Variants in HCN4 observed in about 807,000 individuals in gnomAD.
HCN4 encodes potassium/sodium hyperpolarization-activated cyclic nucleotide-gated channel 4.
HCN4 carries 29 observed loss-of-function variants against 76.9 expected under a neutral mutation model. The observed-to-expected ratio is 0.38, with a 90% CI of 0.28 to 0.51. HCN4 has a LOEUF of 0.51. Ranked by LOEUF, HCN4 falls within the 20% of genes least tolerant of loss-of-function variation. The pLI, the probability that HCN4 is intolerant of heterozygous loss-of-function variation, is 0.90. For synonymous variants in HCN4, 772 were observed against 762.5 expected, an observed-to-expected ratio of 1.01 and a Z score of -0.21; for missense variants, 1,416 against 1,715.2, an observed-to-expected ratio of 0.83 and a Z score of 3.08.
Position 73,328,175 on chromosome 15 carries a change from G to C in HCN4, c.1590+1398C>G, listed in dbSNP as rs1307429040. On this transcript the variant is annotated intron_variant, in intron 4 of 7. Coordinates refer to ENST00000261917, the MANE Select transcript of HCN4 (RefSeq NM_005477.3). The surrounding 1 kb of genome is among the most constrained non-coding windows in gnomAD (Gnocchi z 4.0). ...GGGTCACATGACAGGTGAGGGGCTG[G>C]CCAGGTCACAGACGGCTTCTCTAAG... 1.3e-5 allele frequency among the ~76,000 whole-genome samples: 2 copies of C among 152,094 alleles called. No individual in the cohort carries two copies. The highest frequency in any genetic ancestry group is 4.8e-5 in the African/African-American group (2 of 41,414).
In HCN4 at chr15:73,343,536, T is replaced by C; in HGVS notation, c.1058A>G (p.Asp353Gly). ...TGTCTCCACAATGAGGAAGATGTAG[T>C]CCACGGGGATGGAGGAAATGAAATC... Reference protein sequence around the residue: ...MVDFISSIPVDYIFLIVETRI... With the variant: ...MVDFISSIPVGYIFLIVETRI... Residue 353 changes from aspartate to glycine, a missense_variant, in exon 2 of 8, where the codon GAC (aspartate) becomes GGC (glycine). This residue lies in a region of HCN4 where 112 missense variants were observed against 259.9 expected (regional missense o/e 0.43). Transcript: ENST00000261917. This position sits in a 1 kb window ranked among gnomAD's most constrained non-coding sequence, Gnocchi z 5.7. 1.2e-6 allele frequency: 2 copies of C among 1,614,172 alleles called. No individual in the cohort carries two copies.
chr15:73,356,610 C>T (rs1354335714), intron 1 of HCN4, among the ~76,000 whole-genome samples: 5 of 151,896 alleles, frequency 3.3e-5, no homozygotes, highest in Non-Finnish European at 7.4e-5. Context: ...TAAATACTGA[C>T]TCTGCAAGGG....
rs1453710705 is a variant in HCN4 at position 73,368,512 on chromosome 15, C to A, written c.-242G>T. The A allele has an allele frequency of 3.0e-6, 1 of 329,082 alleles. No homozygotes were observed. Among genetic ancestry groups the A allele is most frequent in the Non-Finnish European group, 5.5e-6 (1 of 182,096 alleles). 20.4% of individuals were successfully genotyped at this position (329,082 alleles called of 1,614,324 possible). A position where few individuals can be genotyped will look rare whatever the true frequency, so the allele number is the denominator to read the frequency against. ...CGGGCCCGGCTGGGCGCGGGGACCCCGCGCTCCCTTCTTGCCTCCCTCCCT... is the reference window on the plus strand; with the variant it reads ...CGGGCCCGGCTGGGCGCGGGGACCCAGCGCTCCCTTCTTGCCTCCCTCCCT... On this transcript the variant is annotated 5_prime_UTR_variant, in exon 1 of 8. Coordinates refer to ENST00000261917, the MANE Select transcript of HCN4 (RefSeq NM_005477.3). The surrounding 1 kb of genome is among the most constrained non-coding windows in gnomAD (Gnocchi z 6.9).
intron 1 of HCN4, among the ~76,000 whole-genome samples, chr15:73,354,784 T>C (rs1006047414): frequency 3.3e-5 from 5 of 151,904 alleles, no homozygotes; most frequent in African/African-American, 1.2e-4. Flanking sequence ...ATCCCCATCA[T>C]CATCATCATC....
rs1303993591 is a variant in HCN4 at position 73,367,765 on chromosome 15, T to G, written c.506A>C (p.Gln169Pro). 6.6e-7 allele frequency: 1 copy of G among 1,519,198 alleles called. No individual in the cohort carries two copies. The highest frequency in any genetic ancestry group is 8.8e-7 in the Non-Finnish European group (1 of 1,140,522). The allele number at this position is 1,519,198 out of a possible 1,614,324, so 94.1% of individuals were successfully genotyped here. Residue 169 changes from glutamine to proline, a missense_variant, in exon 1 of 8, where the codon CAG becomes CCG. Transcript: ENST00000261917. This position sits in a 1 kb window ranked among gnomAD's most constrained non-coding sequence, Gnocchi z 7.5. Reference sequence around the variant, plus strand: ...GGCGGAGGCCGGCTGCGGTGGCTGCTGGGGCGGCGGCGGCGAGGCTGCGGG... The same window carrying G: ...GGCGGAGGCCGGCTGCGGTGGCTGCGGGGGCGGCGGCGGCGAGGCTGCGGG... ...AQPAASPPPP[Q>P]QPPQPASASC...
At position 73,367,901 on chromosome 15, in the gene HCN4, C is replaced by G; in HGVS notation, c.370G>C (p.Asp124His). The G allele has an allele frequency of 7.2e-7, 1 of 1,386,228 alleles. No homozygotes were observed. Among genetic ancestry groups the G allele is most frequent in the Admixed American group, 2.5e-5 (1 of 39,692 alleles). 85.9% of individuals were successfully genotyped at this position (1,386,228 alleles called of 1,614,324 possible). ...ATGAGCCGCCGCTCCTCCGCGGAGT[C>G]ATGCAGGTGTCCGTGACTGCTGCCG... ...GSGSSHGHLH[D>H]SAEERRLIAE... Residue 124 changes from aspartate to histidine, a missense_variant, in exon 1 of 8, where the codon GAC becomes CAC. Physicochemically the swap from Asp to His is moderately conservative, Grantham distance 81. Transcript: ENST00000261917. The surrounding 1 kb of genome is among the most constrained non-coding windows in gnomAD (Gnocchi z 7.5).
chr15:73,333,376 C>G (rs531388567), intron 2 of HCN4, among the ~76,000 whole-genome samples: 4 of 152,212 alleles, frequency 2.6e-5, no homozygotes, highest in Non-Finnish European at 4.4e-5. Flanking sequence ...GGCAAAGACA[C>G]CCCTCTTGGA....
chr15:73,322,942 A>T lies in HCN4; in HGVS notation c.3151T>A (p.Ser1051Thr). Residue 1051 changes from serine (S) to threonine (T), a missense_variant, in exon 8 of 8, where the codon TCC becomes ACC. This residue lies in a region of HCN4 where 633 missense variants were observed against 579.8 expected (regional missense o/e 1.09). Transcript: ENST00000261917. ...APPRASGSHG[S>T]LLLPPASSPP... ...CTGGATGCAGGTGGCAGGAGCAAGG[A>T]TCCGTGGGAGCCAGAGGCCCGGGGC... 7.1e-7 allele frequency: 1 copy of T among 1,417,758 alleles called. No individual in the cohort carries two copies. The highest frequency in any genetic ancestry group is 1.5e-5 in the South Asian group (1 of 67,238). The allele number at this position is 1,417,758 out of a possible 1,614,324, so 87.8% of individuals were successfully genotyped here. A position where few individuals can be genotyped will look rare whatever the true frequency, so the allele number is the denominator to read the frequency against.
At chr15:73,352,976 T>A (rs1198257096) in intron 1 of HCN4, among the ~76,000 whole-genome samples, 3 of 151,972 alleles carry the variant, frequency 2.0e-5, no homozygotes, top group Non-Finnish European at 4.4e-5. Flanking sequence ...TCAGTAACAT[T>A]ATCTTATTGT....
intron 1 of HCN4, among the ~76,000 whole-genome samples, chr15:73,363,522 GA>G (rs1490894313): frequency 6.6e-6 from 1 of 152,230 alleles, no homozygotes. Context: ...ATGGCCTAGA[GA>G]GGGGTTCACA....
At chr15:73,331,941 G>C (rs142306535) in intron 3 of HCN4, among the ~76,000 whole-genome samples, 190 bp downstream of exon 3, 8 of 152,320 alleles carry the variant, frequency 5.3e-5, no homozygotes, top group African/African-American at 1.7e-4. Context: ...ACCCAGAGCT[G>C]TGAATGGATC....
chr15:73,322,269 T>G lies in HCN4; in HGVS notation c.*212A>C. On this transcript the variant is annotated 3_prime_UTR_variant, in exon 8 of 8. Coordinates refer to ENST00000261917, the MANE Select transcript of HCN4 (RefSeq NM_005477.3). The stretch of plus-strand genomic sequence containing the variant: ...CCTCCCTCCCCCTCCCTCCCTCTAG[T>G]GCTGAGTATTAAAATAGTCTATAAA... The G allele has an allele frequency of 4.9e-6, 2 of 410,534 alleles. No homozygotes were observed. The highest frequency in any genetic ancestry group is 2.1e-5 in the South Asian group (1 of 47,426). 25.4% of individuals were successfully genotyped at this position (410,534 alleles called of 1,614,324 possible).
intron 1 of HCN4, among the ~76,000 whole-genome samples, chr15:73,345,248 T>G (rs1186208634): frequency 6.6e-6 from 1 of 152,198 alleles, no homozygotes; most frequent in Non-Finnish European, 1.5e-5. Flanking sequence ...GGGCCTGTTT[T>G]GCTGAAGGTG....
intron 1 of HCN4, among the ~76,000 whole-genome samples, chr15:73,364,728 C>A (rs2043121015): frequency 6.6e-6 from 1 of 151,952 alleles, no homozygotes; most frequent in African/African-American, 2.4e-5. Context: ...GGATCGGGGG[C>A]AGGTAGAGTA....
intron 2 of HCN4, chr15:73,341,052 TGGTG>T (rs1322249732): frequency 1.4e-5 from 2 of 142,868 alleles, no homozygotes; most frequent in African/African-American, 5.7e-5. Context: ...TAAGACAACT[TGGTG>T]GGGAGGGAGG....
Position 73,324,174 on chromosome 15 carries a change from C to T in HCN4, c.2058G>A (p.Val686=). 1 of 1,614,116 alleles carries T rather than the reference C, an allele frequency of 6.2e-7. No homozygotes were observed. The part of the protein sequence containing the change: ...DTYCRLYSLS[V]DNFNEVLEEY... Reference sequence around the variant, plus strand: ...CCTCCAGCACCTCATTGAAGTTGTCCACGCTCAGCGAGTAGAGGCGGCAGT... The same window carrying T: ...CCTCCAGCACCTCATTGAAGTTGTCTACGCTCAGCGAGTAGAGGCGGCAGT... The change falls in exon 7 of 8, where the codon GTG becomes GTA. Residue 686 remains valine (V), a synonymous_variant. Coordinates refer to ENST00000261917, the MANE Select transcript of HCN4 (RefSeq NM_005477.3).
intron 2 of HCN4, 37 bp from the exon 3 acceptor site, chr15:73,332,329 G>A (rs748663502): frequency 3.1e-6 from 5 of 1,607,694 alleles, no homozygotes; most frequent in Non-Finnish European, 3.4e-6. Context: ...TGGGATAGGT[G>A]AGTGGCCAGG....
chr15:73,355,658 A>C (rs1332911618), intron 1 of HCN4, among the ~76,000 whole-genome samples: 1 of 152,196 alleles, frequency 6.6e-6, no homozygotes, highest in African/African-American at 2.4e-5. Flanking sequence ...GGCAAAAGAA[A>C]CACTTTGAGA....
At chr15:73,334,652 GGCCATCCTCCACACCT>G (rs2151218503) in intron 2 of HCN4, among the ~76,000 whole-genome samples, 1 of 151,932 alleles carries the variant, frequency 6.6e-6, no homozygotes, top group African/African-American at 2.4e-5. Context: ...TCTCAGAGCC[GGCCATCCTCCACACCT>G]GCCTCCCCAC....
Sources: gnomAD v4.1 joint callset for allele counts (sites outside exome capture counted in the v4.1 genomes callset) on GRCh38, gnomAD v4.1.1 for gene constraint, gnomAD v4.1.1 regional missense constraint, Gnocchi (gnomAD v3.1) non-coding constraint, MANE v1.5 for transcripts, NCBI Gene and HGNC (gene_info 2026-07-23, HGNC 2026-07-21) for gene names.